The following COL5A1 variants were observed in gnomAD, a reference collection of about 807,000 sequenced individuals.
The protein encoded by COL5A1 is collagen alpha-1(V) chain.
COL5A1 carries 16 observed loss-of-function variants against 263.7 expected under a neutral mutation model. That is an observed-to-expected ratio of 0.06 (90% CI 0.04 to 0.09). The LOEUF (loss-of-function observed/expected upper bound fraction) is 0.09, where lower values mean the gene tolerates loss of function less well. Ranked by LOEUF, COL5A1 falls within the 10% of genes least tolerant of loss-of-function variation. The pLI, the probability that COL5A1 is intolerant of heterozygous loss-of-function variation, is 1.00. For synonymous variants in COL5A1, 1,012 were observed against 1,004.5 expected, an observed-to-expected ratio of 1.01 and a Z score of -0.14; for missense variants, 2,036 against 2,540.5, an observed-to-expected ratio of 0.80 and a Z score of 4.27.
chr9:134,840,023 G>T (rs1309255044), intron 65 of COL5A1, among the ~76,000 whole-genome samples: 1 of 152,274 alleles, frequency 6.6e-6, no homozygotes, highest in East Asian at 1.9e-4. Flanking sequence ...AAGTCCGGGG[G>T]TGCCCCATGG....
At chr9:134,664,953 C>G (rs948439037) in intron 1 of COL5A1, among the ~76,000 whole-genome samples, 4 of 152,164 alleles carry the variant, frequency 2.6e-5, no homozygotes, top group African/African-American at 9.7e-5. Context: ...AATTCCAGCA[C>G]TTTGGGAGGC....
At position 134,817,072 on chromosome 9, in the gene COL5A1, G is replaced by A; in HGVS notation, c.4169G>A (p.Gly1390Glu). Residue 1390 changes from glycine (G) to glutamate (E), a missense_variant, in exon 53 of 66, where the codon GGA becomes GAA. Coordinates refer to ENST00000371817, the MANE Select transcript of COL5A1 (RefSeq NM_000093.5). ...TGEPGPSGPP[G>E]KRGPPGPAGP... is the part of the protein sequence containing the mutation. ...GAACCAGGTCCATCGGGGCCTCCAGGAAAAAGGGTAAATAATCCTGCAGGC... is the reference window on the plus strand; with the variant it reads ...GAACCAGGTCCATCGGGGCCTCCAGAAAAAAGGGTAAATAATCCTGCAGGC... The A allele has an allele frequency of 6.2e-7, 1 of 1,613,122 alleles. No homozygotes were observed. Among genetic ancestry groups the A allele is most frequent in the Non-Finnish European group, 8.5e-7 (1 of 1,179,226 alleles).
intron 32 of COL5A1, among the ~76,000 whole-genome samples, chr9:134,793,192 G>A (rs1260009355): frequency 2.0e-5 from 3 of 151,794 alleles, no homozygotes; most frequent in Admixed American, 6.5e-5. Context: ...GGAAAGACCC[G>A]CTCTTCAGAT....
intron 9 of COL5A1, among the ~76,000 whole-genome samples, chr9:134,735,995 C>A (rs1234561973): frequency 2.6e-5 from 4 of 151,374 alleles, no homozygotes; most frequent in Admixed American, 2.6e-4. Flanking sequence ...TGGACATCTG[C>A]GGCCCCCCCA....
At chr9:134,801,448 G>T (rs1248840569) in intron 37 of COL5A1, among the ~76,000 whole-genome samples, 1 of 152,252 alleles carries the variant, frequency 6.6e-6, no homozygotes, top group Non-Finnish European at 1.5e-5. Context: ...AAGATGCAGA[G>T]GCAGGAGAGC....
intron 22 of COL5A1, 28 bp downstream of exon 22, chr9:134,766,526 C>T: frequency 6.2e-7 from 1 of 1,612,404 alleles, no homozygotes. Context: ...CGTGGCCTGG[C>T]TTCAGGGGCA....
At chr9:134,816,336 C>A (rs903815176) in intron 52 of COL5A1, among the ~76,000 whole-genome samples, 1 of 148,564 alleles carries the variant, frequency 6.7e-6, no homozygotes, top group African/African-American at 2.5e-5. Context: ...CTCACCAGGC[C>A]CTTCCTGCCT....
At chr9:134,837,948 C>T (rs1385289284) in intron 65 of COL5A1, among the ~76,000 whole-genome samples, 1 of 152,242 alleles carries the variant, frequency 6.6e-6, no homozygotes, top group Non-Finnish European at 1.5e-5. Context: ...TAGCCCCTTC[C>T]TGGCATAGCT....
chr9:134,702,152 C>A (rs2132575375), intron 4 of COL5A1, among the ~76,000 whole-genome samples: 1 of 152,318 alleles, frequency 6.6e-6, no homozygotes, highest in Admixed American at 6.5e-5. Context: ...TGACCGTTGC[C>A]TCCGCGGCTT....
chr9:134,665,260 G>T (rs1195925513), intron 1 of COL5A1, among the ~76,000 whole-genome samples: 1 of 152,198 alleles, frequency 6.6e-6, no homozygotes, highest in Non-Finnish European at 1.5e-5. Flanking sequence ...CCAGTTCCCA[G>T]AATGTTTCCT....
chr9:134,651,254 CAT>C lies in COL5A1; in HGVS notation c.109+8960_109+8961del, dbSNP rs570042721. On this transcript the variant is annotated intron_variant, in intron 1 of 65. Coordinates refer to ENST00000371817, the MANE Select transcript of COL5A1 (RefSeq NM_000093.5). ...TTTTTAAATAAATGCCATAAAATGA[CAT>C]AAAAACAGTGTGGCGATTCCTCCAG... is the stretch of plus-strand genomic sequence containing the variant. Among the ~76,000 whole-genome samples the C allele has an allele frequency of 1.5e-4, 23 of 152,308 alleles. No homozygotes were observed. In the South Asian group the frequency reaches 4.6e-3, roughly 30 times the overall value.
chr9:134,782,396 C>T (rs556265705), intron 28 of COL5A1, among the ~76,000 whole-genome samples: 34 of 152,312 alleles, frequency 2.2e-4, no homozygotes, highest in Middle Eastern at 3.4e-3. Context: ...GCTGAGGCCT[C>T]GCCATGCAGA....
At chr9:134,748,284 T>C (rs73568474) in intron 11 of COL5A1, among the ~76,000 whole-genome samples, 46,071 of 149,204 alleles carry the variant, frequency 0.31, 7,207 homozygotes, top group East Asian at 0.37. Context: ...TTTACACATA[T>C]ATGCACATGC....
chr9:134,811,259 G>T (rs1302894826), intron 44 of COL5A1, 80 bp from the exon 45 acceptor site: 1 of 1,320,810 alleles, frequency 7.6e-7, no homozygotes, highest in Admixed American at 1.7e-5. Context: ...CAGTCCCCGG[G>T]CTCAGGATGC....
chr9:134,820,860 G>A (rs1053972113), intron 58 of COL5A1, among the ~76,000 whole-genome samples: 15 of 152,240 alleles, frequency 9.9e-5, no homozygotes, highest in African/African-American at 3.4e-4. Flanking sequence ...CCTTATTCCT[G>A]TGTGGGAATC....
chr9:134,813,414 A>G (rs1190740096), intron 48 of COL5A1, among the ~76,000 whole-genome samples: 1 of 152,234 alleles, frequency 6.6e-6, no homozygotes, highest in Non-Finnish European at 1.5e-5. Context: ...TTAAATTGGA[A>G]GACGCCTTCC....
chr9:134,731,816 G>A (rs370757111), intron 8 of COL5A1, among the ~76,000 whole-genome samples, 153 bp downstream of exon 8: 66 of 152,234 alleles, frequency 4.3e-4, no homozygotes, highest in African/African-American at 1.4e-3. Context: ...AAGAGACCTC[G>A]GTGCCTCGAA....
chr9:134,701,053 C>T (rs1344330925), intron 3 of COL5A1, 118 bp from the exon 4 acceptor site: 4 of 1,041,716 alleles, frequency 3.8e-6, no homozygotes, highest in East Asian at 5.0e-5. Context: ...TCTGCTCCGC[C>T]CCACCACGAT....
intron 64 of COL5A1, 191 bp downstream of exon 64, chr9:134,830,235 C>T (rs1048751143): frequency 1.0e-5 from 16 of 1,530,284 alleles, no homozygotes; most frequent in Non-Finnish European, 1.4e-5. Context: ...ACGGCTGGCT[C>T]GCGGCTCTGC....
Sources: gnomAD v4.1 joint callset for allele counts (sites outside exome capture counted in the v4.1 genomes callset) on GRCh38, gnomAD v4.1.1 for gene constraint, MANE v1.5 for transcripts, NCBI Gene and HGNC (gene_info 2026-07-23, HGNC 2026-07-21) for gene names.